CTNNA2: variants seen among roughly 807,000 people sequenced by gnomAD.
CTNNA2 encodes catenin alpha 2.
Under a neutral mutation model 101.0 loss-of-function variants are expected in CTNNA2, and 42 were observed. The ratio of observed to expected loss-of-function variants is 0.42; its 90% CI spans 0.32 to 0.54. The LOEUF (loss-of-function observed/expected upper bound fraction) is 0.54. Ranked by LOEUF, CTNNA2 falls within the 20% of genes least tolerant of loss-of-function variation. CTNNA2 has a pLI of 0.14. For synonymous variants in CTNNA2, 450 were observed against 456.4 expected, an observed-to-expected ratio of 0.99 and a Z score of 0.18; for missense variants, 871 against 1,223.1, an observed-to-expected ratio of 0.71 and a Z score of 4.29.
chr2:80,596,899 T>A (rs879540100), intron 15 of CTNNA2, among the ~76,000 whole-genome samples: 1 of 152,180 alleles, frequency 6.6e-6, no homozygotes, highest in Non-Finnish European at 1.5e-5. Context: ...GCCTAGTTTG[T>A]TAAGAGTTTT....
rs70940085 is a variant in CTNNA2, at chr2:80,560,054, CAAAAAAAA to C, written c.1741+4172_1741+4179del. ...TTTTTCTTCAGAGGAAACAATAGAC[CAAAAAAAA>C]AAAAAAAAAAGAAAAAAGCATATTT... On this transcript the variant is annotated intron_variant, in intron 12 of 18. Coordinates refer to ENST00000402739, the MANE Select transcript of CTNNA2 (RefSeq NM_001282597.3). Among the ~76,000 whole-genome samples, 6 of 55,016 alleles carry C rather than the reference CAAAAAAAA, an allele frequency of 1.1e-4. No individual in the cohort carries two copies. In the South Asian group the frequency reaches 3.2e-3, roughly 30 times the overall value. The allele number at this position is 55,016 out of a possible 152,430, so 36.1% of individuals were successfully genotyped here. A position where few individuals can be genotyped will look rare whatever the true frequency, so the allele number is the denominator to read the frequency against.
Position 80,545,071 on chromosome 2 carries a change from C to G in CTNNA2, c.1380C>G (p.Pro460=), listed in dbSNP as rs770039622. The G allele has an allele frequency of 1.2e-6, 2 of 1,613,780 alleles. No homozygotes were observed. Among genetic ancestry groups the G allele is most frequent in the Non-Finnish European group, 1.7e-6 (2 of 1,179,820 alleles). Residue 460 remains proline (P), a synonymous_variant, in exon 10 of 19, where the codon CCC becomes CCG. Transcript: ENST00000402739. The stretch of plus-strand genomic sequence containing the variant: ...CCACCCAGATTGACAGCCTGTGTCC[C>G]CAGGTAAGCCTCATTCACTTTGTTT... ...MAATQIDSLC[P]QVINAALTLA... is the part of the protein sequence containing the mutation.
intron 3 of CTNNA2, among the ~76,000 whole-genome samples, chr2:79,826,716 C>T (rs1678466605): frequency 6.6e-6 from 1 of 152,104 alleles, no homozygotes; most frequent in Admixed American, 6.5e-5. Flanking sequence ...CTTCAACTTC[C>T]TTCATTTCAA....
At chr2:79,405,676 T>A (rs1573150157) in intron 4 of CTNNA2, among the ~76,000 whole-genome samples, 1 of 152,050 alleles carries the variant, frequency 6.6e-6, no homozygotes, top group South Asian at 2.1e-4. Context: ...ATTGTATATA[T>A]TTATGGGATA....
At chr2:79,369,660 C>A (rs1394736308) in intron 3 of CTNNA2, among the ~76,000 whole-genome samples, 1 of 152,184 alleles carries the variant, frequency 6.6e-6, no homozygotes, top group Non-Finnish European at 1.5e-5. Flanking sequence ...CCTTGAAGAG[C>A]AACTTCTACT....
At chr2:80,444,385 C>A (rs1682887397) in intron 9 of CTNNA2, among the ~76,000 whole-genome samples, 1 of 152,126 alleles carries the variant, frequency 6.6e-6, no homozygotes, top group Non-Finnish European at 1.5e-5. Context: ...AAAAAATTAT[C>A]CCTACCAAGA....
intron 1 of CTNNA2, among the ~76,000 whole-genome samples, chr2:79,586,402 T>C (rs1373503262): frequency 2.6e-5 from 4 of 152,216 alleles, no homozygotes; most frequent in Admixed American, 2.0e-4. Context: ...CCGCTCGGCC[T>C]CTGGCAAGTT....
chr2:79,394,787 A>T (rs71424878), intron 4 of CTNNA2, among the ~76,000 whole-genome samples: 38,841 of 151,874 alleles, frequency 0.26, 5,183 homozygotes, highest in Middle Eastern at 0.42. Flanking sequence ...ACTTAAAAAA[A>T]TTTTTTTTGT....
intron 8 of CTNNA2, 33 bp from the exon 9 acceptor site, chr2:80,419,416 G>T (rs1336023353): frequency 7.0e-6 from 11 of 1,569,994 alleles, no homozygotes; most frequent in Admixed American, 1.7e-5. Flanking sequence ...TTTCTTAATT[G>T]TATGTCATTT....
At chr2:80,406,826 C>CAAAAA (rs56793591) in intron 8 of CTNNA2, among the ~76,000 whole-genome samples, 138 of 62,398 alleles carry the variant, frequency 2.2e-3, no homozygotes, top group Non-Finnish European at 3.3e-3. Context: ...GACTCCATCT[C>CAAAAA]AAAAAAAAAA....
chr2:79,598,027 T>G (rs1457052178), intron 1 of CTNNA2, among the ~76,000 whole-genome samples: 2 of 152,238 alleles, frequency 1.3e-5, no homozygotes, highest in Non-Finnish European at 2.9e-5. Context: ...TCGTATGGAA[T>G]GTCATACAGT....
intron 17 of CTNNA2, among the ~76,000 whole-genome samples, chr2:80,615,936 A>C (rs1029292766): frequency 1.3e-5 from 2 of 151,690 alleles, no homozygotes; most frequent in African/African-American, 4.8e-5. Context: ...CTGGGCTATA[A>C]ATATATCTCA....
intron 2 of CTNNA2, among the ~76,000 whole-genome samples, chr2:79,735,204 G>T (rs944989844): frequency 6.6e-6 from 1 of 152,106 alleles, no homozygotes; most frequent in Non-Finnish European, 1.5e-5. Context: ...TATCTGTGCT[G>T]CTATTTAAAT....
At chr2:80,070,460 C>A (rs1371598823) in intron 7 of CTNNA2, among the ~76,000 whole-genome samples, 1 of 152,136 alleles carries the variant, frequency 6.6e-6, no homozygotes, top group Non-Finnish European at 1.5e-5. Flanking sequence ...GTAATCCCAG[C>A]ACTTTGGGAG....
intron 18 of CTNNA2, among the ~76,000 whole-genome samples, chr2:80,625,484 C>T (rs1671587088): frequency 6.6e-6 from 1 of 151,988 alleles, no homozygotes; most frequent in African/African-American, 2.4e-5. Flanking sequence ...CACACTAGTG[C>T]TTCAGGAAGA....
At position 80,043,520 on chromosome 2, in the gene CTNNA2, G is replaced by A. The variant is rs567215425; in HGVS notation, c.1056+133723G>A. Among the ~76,000 whole-genome samples, 22 of 152,184 alleles carry A rather than the reference G, an allele frequency of 1.4e-4. No individual in the cohort carries two copies. In the East Asian group the frequency reaches 3.7e-3, roughly 25 times the overall value. On this transcript the variant is annotated intron_variant, in intron 7 of 18. Coordinates refer to ENST00000402739, the MANE Select transcript of CTNNA2 (RefSeq NM_001282597.3). ...GCCCCTGCATTCATGTTTTCATAAG[G>A]TGTCCCTCAGATGGGCTCTGAATAT... is the stretch of plus-strand genomic sequence containing the variant.
intron 6 of CTNNA2, among the ~76,000 whole-genome samples, chr2:79,887,374 G>C (rs1160008771): frequency 6.6e-6 from 1 of 152,070 alleles, no homozygotes; most frequent in African/African-American, 2.4e-5. Context: ...GTAAGCTTTA[G>C]CTAATTAAAA....
rs189928869 is a variant in CTNNA2, at chr2:79,396,815, G to T, written c.-135+22802G>T. Reference sequence around the variant, plus strand: ...TATTCAAAACAAGCCATTAAAATTGGGCAAAAAATAACAATCTCTTTCCTA... The same window carrying T: ...TATTCAAAACAAGCCATTAAAATTGTGCAAAAAATAACAATCTCTTTCCTA... On this transcript the variant is annotated intron_variant, in intron 4 of 21. Coordinates refer to the CTNNA2 transcript ENST00000466387. 5.3e-5 allele frequency among the ~76,000 whole-genome samples: 8 copies of T among 152,088 alleles called. No homozygotes were observed. In the South Asian group the frequency reaches 8.3e-4, roughly 16 times the overall value.
chr2:80,482,667 G>A (rs1192416034), intron 9 of CTNNA2, among the ~76,000 whole-genome samples: 1 of 152,124 alleles, frequency 6.6e-6, no homozygotes, highest in Non-Finnish European at 1.5e-5. Flanking sequence ...AAGCTAGAAG[G>A]TGTATTATTT....
Sources: gnomAD v4.1 joint callset for allele counts (sites outside exome capture counted in the v4.1 genomes callset) on GRCh38, gnomAD v4.1.1 for gene constraint, MANE v1.5 for transcripts, NCBI Gene and HGNC (gene_info 2026-07-23, HGNC 2026-07-21) for gene names.